The following ZNF175 variants were observed in gnomAD, a reference collection of about 807,000 sequenced individuals.
ZNF175 encodes zinc finger protein OTK18.
Under a neutral mutation model 14.0 loss-of-function variants are expected in ZNF175, and 8 were observed. The ratio of observed to expected loss-of-function variants is 0.57; its 90% CI spans 0.34 to 1.03. The LOEUF is 1.03. Ranked by LOEUF, ZNF175 falls within the 50% of genes least tolerant of loss-of-function variation. The pLI is 0.03. For missense variants in ZNF175, 764 were observed against 849.5 expected, an observed-to-expected ratio of 0.90 and a Z score of 1.25; for synonymous variants, 255 against 296.8, an observed-to-expected ratio of 0.86 and a Z score of 1.45.
At chr19:51,581,654 G>T in intron 3 of ZNF175, 133 bp from the exon 4 acceptor site, 1 of 1,513,490 alleles carries the variant, frequency 6.6e-7, no homozygotes. Context: ...TGTTTCTTTT[G>T]GGCACCTTCT....
intron 2 of ZNF175, among the ~76,000 whole-genome samples, chr19:51,577,441 T>G (rs1981826265): frequency 6.7e-6 from 1 of 150,098 alleles, no homozygotes. Context: ...AACTTTATTT[T>G]CTAGCCCTCC....
In ZNF175 at chr19:51,587,493, G is replaced by T; in HGVS notation, c.1162G>T (p.Glu388Ter). ...CAGACATCAGAGAACTCACAGTAGAGAAAAACTCTATGAATGCAGTGAATG... is the reference window on the plus strand; with the variant it reads ...CAGACATCAGAGAACTCACAGTAGATAAAAACTCTATGAATGCAGTGAATG... Reference protein sequence around the residue: ...LFRHQRTHSREKLYECSECGK... With the variant: ...LFRHQRTHSR Residue 388 changes from glutamate (E) to a stop codon, truncating the protein, a stop_gained, in exon 5 of 5, where the codon GAA (glutamate) becomes TAA (stop). Coordinates refer to ENST00000262259, the MANE Select transcript of ZNF175 (RefSeq NM_007147.4). LOFTEE classifies it low-confidence loss of function (END_TRUNC). 6.2e-7 allele frequency: 1 copy of T among 1,614,192 alleles called. No homozygotes were observed. Among genetic ancestry groups the T allele is most frequent in the Non-Finnish European group, 8.5e-7 (1 of 1,180,026 alleles).
chr19:51,572,397 C>T (rs1981623044), intron 1 of ZNF175, among the ~76,000 whole-genome samples: 1 of 152,150 alleles, frequency 6.6e-6, no homozygotes, highest in Admixed American at 6.5e-5. Flanking sequence ...TGCATGTCTG[C>T]AAATTTTCTG....
At position 51,587,687 on chromosome 19, in the gene ZNF175, C is replaced by T. The variant is rs201554212; in HGVS notation, c.1356C>T (p.Cys452=). The change falls in exon 5 of 5, where the codon TGC becomes TGT. Residue 452 remains cysteine, a synonymous_variant. Transcript: ENST00000262259. ...SGQKSYVCIE[C]GQAFIQKAHL... ...AGAAGTCCTATGTGTGTATCGAATGCGGGCAGGCCTTCATCCAGAAGGCAC... is the reference window on the plus strand; with the variant it reads ...AGAAGTCCTATGTGTGTATCGAATGTGGGCAGGCCTTCATCCAGAAGGCAC... The T allele has an allele frequency of 1.2e-5, 20 of 1,613,740 alleles. No homozygotes were observed. Among genetic ancestry groups the T allele is most frequent in the Middle Eastern group, 1.7e-4 (1 of 6,058 alleles).
At chr19:51,574,306 A>C (rs140199738) in intron 2 of ZNF175, 253 of 152,368 alleles carry the variant, frequency 1.7e-3, no homozygotes, top group African/African-American at 5.8e-3. Context: ...AGGGAACATT[A>C]ACACAAAATA....
chr19:51,579,483 A>G (rs569169408), intron 2 of ZNF175, among the ~76,000 whole-genome samples: 9 of 152,150 alleles, frequency 5.9e-5, no homozygotes, highest in Admixed American at 1.3e-4. Flanking sequence ...ACTGAAGAAG[A>G]GACTTGCTTG....
rs996038863 is a variant in ZNF175 at position 51,591,900 on chromosome 19, C to T, written c.*3433C>T. The T allele has an allele frequency of 1.3e-5, 2 of 151,696 alleles. No individual in the cohort carries two copies. Among genetic ancestry groups the T allele is most frequent in the East Asian group, 1.9e-4 (1 of 5,160 alleles). 9.4% of individuals were successfully genotyped at this position (151,696 alleles called of 1,614,324 possible). ...TCTCCTGCCTCAGCCTCCCGAGTAGCTGGGACTACAGGCGCCCACCACCAT... is the reference window on the plus strand; with the variant it reads ...TCTCCTGCCTCAGCCTCCCGAGTAGTTGGGACTACAGGCGCCCACCACCAT... On this transcript the variant is annotated 3_prime_UTR_variant, in exon 5 of 5. Coordinates refer to ENST00000262259, the MANE Select transcript of ZNF175 (RefSeq NM_007147.4).
Position 51,581,520 on chromosome 19 carries a change from G to A in ZNF175, c.199+3G>A. 5 of 1,610,514 alleles carry A rather than the reference G, an allele frequency of 3.1e-6. No homozygotes were observed. Among genetic ancestry groups the A allele is most frequent in the East Asian group, 2.2e-5 (1 of 44,824 alleles). ...CTATAGCCATCTCTTCGCAGTGGGT[G>A]AGCACAACTGACCTGGGAATCTTGG... On this transcript the variant is annotated splice_donor_region_variant and intron_variant, in intron 3 of 4. Transcript: ENST00000262259.
chr19:51,587,908 C>T lies in ZNF175; in HGVS notation c.1577C>T (p.Thr526Ile), dbSNP rs151102349. ...CTGAATATACACCAGAAAATTCATA[C>T]TGGAGAAAGACACCATGTATGCAGT... Reference protein sequence around the residue: ...SHLNIHQKIHTGERHHVCSEC... With the variant: ...SHLNIHQKIHIGERHHVCSEC... The change falls in exon 5 of 5, where the codon ACT (threonine) becomes ATT (isoleucine). Residue 526 changes from threonine to isoleucine, a missense_variant. Physicochemically the swap from Thr to Ile is moderately conservative, Grantham distance 89 (BLOSUM62 -1). Coordinates refer to ENST00000262259, the MANE Select transcript of ZNF175 (RefSeq NM_007147.4). 275 of 1,614,130 alleles carry T rather than the reference C, an allele frequency of 1.7e-4. 2 individuals carry two copies. In the African/African-American group the frequency reaches 3.0e-3, roughly 17 times the overall value.
At chr19:51,586,102 G>A (rs1409299405) in intron 4 of ZNF175, among the ~76,000 whole-genome samples, 1 of 152,182 alleles carries the variant, frequency 6.6e-6, no homozygotes, top group Non-Finnish European at 1.5e-5. Flanking sequence ...AGATAAAGCA[G>A]GCAGATTGGT....
In ZNF175 at chr19:51,587,387, G is replaced by A. The variant is rs770779812; in HGVS notation, c.1056G>A (p.Thr352=). ...KVFIQRSELL[T]HQKTHTRKKP... ...TTATTCAGAGATCAGAATTGCTTAC[G>A]CACCAGAAAACACACACTAGAAAGA... is the stretch of plus-strand genomic sequence containing the variant. Residue 352 remains threonine (T), a synonymous_variant, in exon 5 of 5, where the codon ACG becomes ACA. Transcript: ENST00000262259. 12 of 1,614,012 alleles carry A rather than the reference G, an allele frequency of 7.4e-6. No homozygotes were observed. The South Asian group carries it at 7.7e-5, about 10-fold the overall frequency.
chr19:51,574,921 C>T (rs1981720896), intron 2 of ZNF175, among the ~76,000 whole-genome samples: 1 of 152,066 alleles, frequency 6.6e-6, no homozygotes, highest in Non-Finnish European at 1.5e-5. Context: ...GATTTTCCAT[C>T]AGTGTCTGAA....
chr19:51,573,386 G>C lies in ZNF175; in HGVS notation c.57G>C (p.Gln19His). The change falls in exon 2 of 5, where the codon CAG (glutamine) becomes CAC (histidine). Residue 19 changes from glutamine to histidine, a missense_variant. Coordinates refer to ENST00000262259, the MANE Select transcript of ZNF175 (RefSeq NM_007147.4). ...QKPQVLGPEK[Q>H]DGSCEASVSF... ...CTCAGGTCCTGGGTCCAGAGAAGCA[G>C]GATGGATCTTGCGAGGTAAACAGGG... 6.2e-7 allele frequency: 1 copy of C among 1,612,500 alleles called. No individual in the cohort carries two copies. The highest frequency in any genetic ancestry group is 8.5e-7 in the Non-Finnish European group (1 of 1,179,474).
rs1170216614 is a variant in ZNF175, at chr19:51,587,609, A to G, written c.1278A>G (p.Lys426=). ...AGTATGCATGCAGTGAATGTGGGAA[A>G]GCCTTTACCCAGAAGTCAACACTCA... The part of the protein sequence containing the change: ...ERQYACSECG[K]AFTQKSTLSL... The change falls in exon 5 of 5, where the codon AAA becomes AAG. Residue 426 remains lysine (K), a synonymous_variant. Transcript: ENST00000262259. 1.2e-6 allele frequency: 2 copies of G among 1,614,182 alleles called. No homozygotes were observed. Among genetic ancestry groups the G allele is most frequent in the East Asian group, 4.5e-5 (2 of 44,874 alleles).
intron 4 of ZNF175, among the ~76,000 whole-genome samples, chr19:51,585,525 A>G (rs944363268): frequency 1.3e-5 from 2 of 152,188 alleles, no homozygotes; most frequent in Non-Finnish European, 2.9e-5. Context: ...TTTTTTTAAA[A>G]AAAGAATGAA....
chr19:51,584,639 T>G (rs952012973), intron 4 of ZNF175, among the ~76,000 whole-genome samples: 1 of 151,950 alleles, frequency 6.6e-6, no homozygotes, highest in Non-Finnish European at 1.5e-5. Context: ...GAGTGAAAAA[T>G]GAAATAGAAA....
In ZNF175 at chr19:51,590,971, C is replaced by T. The variant is rs1290582292; in HGVS notation, c.*2504C>T. 6.6e-6 allele frequency: 1 copy of T among 151,698 alleles called. No individual in the cohort carries two copies. The highest frequency in any genetic ancestry group is 1.5e-5 in the Non-Finnish European group (1 of 68,032). 9.4% of individuals were successfully genotyped at this position (151,698 alleles called of 1,614,324 possible). ...CAAAGACCCCTCAGGATGTGCCTCCCTTCTCAGATCTGGGCTTTCCCTGTT... is the reference window on the plus strand; with the variant it reads ...CAAAGACCCCTCAGGATGTGCCTCCTTTCTCAGATCTGGGCTTTCCCTGTT... On this transcript the variant is annotated 3_prime_UTR_variant, in exon 5 of 5. Coordinates refer to ENST00000262259, the MANE Select transcript of ZNF175 (RefSeq NM_007147.4).
chr19:51,580,296 C>T (rs1981954691), intron 2 of ZNF175, among the ~76,000 whole-genome samples: 1 of 152,032 alleles, frequency 6.6e-6, no homozygotes, highest in Non-Finnish European at 1.5e-5. Flanking sequence ...TATTTTGCAT[C>T]ATATTAGGTG....
chr19:51,571,769 C>G (rs934179190), intron 1 of ZNF175, among the ~76,000 whole-genome samples: 1 of 152,120 alleles, frequency 6.6e-6, no homozygotes, highest in Non-Finnish European at 1.5e-5. Flanking sequence ...ATTCACTGTC[C>G]GTGGGACTAG....
Sources: allele counts gnomAD v4.1 joint callset (sites outside exome capture counted in the v4.1 genomes callset), GRCh38; gene constraint gnomAD v4.1.1; transcripts MANE v1.5; gene names NCBI Gene and HGNC (gene_info 2026-07-23, HGNC 2026-07-21).